The following SALL2 variants were observed in gnomAD, a reference collection of about 807,000 sequenced individuals.
SALL2 encodes the protein spalt like transcription factor 2.
In SALL2, 32 loss-of-function variants were observed where a neutral mutation model predicts 58.5. The ratio of observed to expected loss-of-function variants is 0.55; its 90% confidence interval spans 0.41 to 0.74. The LOEUF is 0.74. SALL2 is among the 30% of genes least tolerant of loss of function. SALL2 has a pLI of 0.00. For synonymous variants in SALL2, 516 were observed against 513.6 expected (o/e 1.00, Z -0.06); for missense variants, 1,201 against 1,268.9 (o/e 0.95, Z 0.81).
At position 21,521,925 on chromosome 14, in the gene SALL2, T is replaced by C. The variant is rs117696798; in HGVS notation, c.*779A>G. The C allele has an allele frequency of 7.5e-4, 1,096 of 1,456,162 alleles. 11 individuals are homozygous for C. In the East Asian group the frequency reaches 0.024, roughly 32 times the overall value. The allele number at this position is 1,456,162 out of a possible 1,614,324, so 90.2% of individuals were successfully genotyped here. A position where few individuals can be genotyped will look rare whatever the true frequency, so the allele number is the denominator to read the frequency against. ...CCTTCCTTCATTTCTCCCTACTTCC[T>C]AGGGTTGGGTCACCAATTACTGGAG... is the stretch of plus-strand genomic sequence containing the variant. On this transcript the variant is annotated 3_prime_UTR_variant, in exon 2 of 2. Coordinates refer to ENST00000537235, the MANE Select transcript of SALL2 (RefSeq NM_001364564.1).
In SALL2 at chr14:21,523,883, G is replaced by C. The variant is rs1278590657; in HGVS notation, c.1839C>G (p.Pro613=). Residue 613 remains proline (P), a synonymous_variant, in exon 2 of 2, where the codon CCC becomes CCG. Transcript: ENST00000537235. This position sits in a 1 kb window ranked among gnomAD's most constrained non-coding sequence, Gnocchi z 4.4. Reference sequence around the variant, plus strand: ...ATGAAGGTGCAGGGGCAGAGGTGGTGGGGGCTCCTGAGGCAGCTGAGGTCA... The same window carrying C: ...ATGAAGGTGCAGGGGCAGAGGTGGTCGGGGCTCCTGAGGCAGCTGAGGTCA... The part of the protein sequence containing the change: ...VAVTSAASGA[P]TTSAPAPSSS... 3 of 1,614,224 alleles carry C rather than the reference G, an allele frequency of 1.9e-6. No individual in the cohort carries two copies. In the South Asian group the frequency reaches 3.3e-5, roughly 18 times the overall value.
chr14:21,530,363 C>A (rs1185334770), upstream of SALL2, among the ~76,000 whole-genome samples: 1 of 148,404 alleles, frequency 6.7e-6, no homozygotes. Context: ...TCTCGGCTCA[C>A]CGCAACCTCC....
intron 1 of SALL2, chr14:21,536,792 TG>T: frequency 6.7e-7 from 1 of 1,487,394 alleles, no homozygotes; most frequent in Non-Finnish European, 9.4e-7. Flanking sequence ...CCCCTTGCCC[TG>T]GCCTGACCCA....
chr14:21,522,129 A>T lies in SALL2; in HGVS notation c.*575T>A. The T allele has an allele frequency of 6.3e-7, 1 of 1,598,036 alleles. No homozygotes were observed. The highest frequency in any genetic ancestry group is 1.3e-5 in the African/African-American group (1 of 75,032). ...CATTGTTGGAGGCACCTTCCCAGCC[A>T]CAGTTCCTAGGCCAAACAGCACTGG... On this transcript the variant is annotated 3_prime_UTR_variant, in exon 2 of 2. Coordinates refer to ENST00000537235, the MANE Select transcript of SALL2 (RefSeq NM_001364564.1).
chr14:21,533,710 C>A (rs746384591), intron 1 of SALL2, among the ~76,000 whole-genome samples: 5 of 151,808 alleles, frequency 3.3e-5, no homozygotes, highest in Non-Finnish European at 7.4e-5. Context: ...GGAAGCTGAG[C>A]AAAAACGGCT....
At chr14:21,537,081 CT>C in exon 1 of SALL2, 1 of 363,358 alleles carries the variant, frequency 2.8e-6, no homozygotes, top group Admixed American at 4.2e-5. Flanking sequence ...GAGACACAGA[CT>C]CTCTCTCTCT....
chr14:21,529,991 C>T (rs564493938), upstream of SALL2, among the ~76,000 whole-genome samples: 17 of 152,166 alleles, frequency 1.1e-4, no homozygotes, highest in South Asian at 2.1e-4. Context: ...CCACCCTGCT[C>T]CTCACAGATC....
Position 21,521,702 on chromosome 14 carries a change from C to A in SALL2, c.*1002G>T. ...TCATTAGTTCATCAACCATGCTGAC[C>A]AAAAATGCTCCTTAAAGATACGAAC... On this transcript the variant is annotated 3_prime_UTR_variant, in exon 2 of 2. Coordinates refer to ENST00000537235, the MANE Select transcript of SALL2 (RefSeq NM_001364564.1). 3.3e-6 allele frequency: 1 copy of A among 305,192 alleles called. No individual in the cohort carries two copies. The highest frequency in any genetic ancestry group is 6.2e-6 in the Non-Finnish European group (1 of 161,412). 18.9% of individuals were successfully genotyped at this position (305,192 alleles called of 1,614,324 possible). A position where few individuals can be genotyped will look rare whatever the true frequency, so the allele number is the denominator to read the frequency against.
chr14:21,526,893 G>A (rs746633330), upstream of SALL2, among the ~76,000 whole-genome samples: 5 of 151,874 alleles, frequency 3.3e-5, no homozygotes, highest in Non-Finnish European at 7.4e-5. Flanking sequence ...CAGGGTGGGC[G>A]GCTGCAAGGT....
chr14:21,534,944 A>C (rs1308110152), intron 1 of SALL2, among the ~76,000 whole-genome samples: 1 of 152,138 alleles, frequency 6.6e-6, no homozygotes, highest in East Asian at 1.9e-4. Flanking sequence ...TGGAGCGCTG[A>C]TTTGACCTCA....
At chr14:21,536,315 C>T (rs1260470421) in intron 1 of SALL2, among the ~76,000 whole-genome samples, 4 of 152,184 alleles carry the variant, frequency 2.6e-5, no homozygotes, top group Admixed American at 6.5e-5. Context: ...ATACACACCC[C>T]AAACCAGGCT....
rs982720520 is a variant in SALL2, at chr14:21,521,417, GAGGAAGAT to G, written c.*1279_*1286del. ...GGCAAAATGGGTAGGGGTCTTGAAA[GAGGAAGAT>G]AAGGAAAATACAAGGGGCCAGGGAA... On this transcript the variant is annotated 3_prime_UTR_variant, in exon 2 of 2. Transcript: ENST00000537235. 1 of 152,418 alleles carries G rather than the reference GAGGAAGAT, an allele frequency of 6.6e-6. No individual in the cohort carries two copies. The highest frequency in any genetic ancestry group is 2.4e-5 in the African/African-American group (1 of 41,438). 9.4% of individuals were successfully genotyped at this position (152,418 alleles called of 1,614,324 possible). A position where few individuals can be genotyped will look rare whatever the true frequency, so the allele number is the denominator to read the frequency against.
chr14:21,536,904 C>T (rs748033936), intron 1 of SALL2: 1 of 1,614,206 alleles, frequency 6.2e-7, no homozygotes, highest in South Asian at 1.1e-5. Flanking sequence ...GGGGTTTCCG[C>T]TGCTTTCGCC....
rs747111940 is a variant in SALL2 at position 21,535,344 on chromosome 14, C to CAA, written c.-114+1616_-114+1617dup. Among the ~76,000 whole-genome samples, 121 of 94,936 alleles carry CAA rather than the reference C, an allele frequency of 1.3e-3. 1 individual carries two copies. The highest frequency in any genetic ancestry group is 7.9e-3 in the Middle Eastern group (1 of 126). The allele number at this position is 94,936 out of a possible 152,430, so 62.3% of individuals were successfully genotyped here. A position where few individuals can be genotyped will look rare whatever the true frequency, so the allele number is the denominator to read the frequency against. ...TGGGCGACAGAGCGAGACTCTCTCTCAAAAAAAAAAAAAGAAAAAAAGAAA... is the reference window on the plus strand; with the variant it reads ...TGGGCGACAGAGCGAGACTCTCTCTCAAAAAAAAAAAAAAAGAAAAAAAGAAA... On this transcript the variant is annotated intron_variant, in intron 1 of 1. Coordinates refer to the SALL2 transcript ENST00000541965.
intron 1 of SALL2, among the ~76,000 whole-genome samples, chr14:21,532,139 TTTAA>T (rs755351980): frequency 6.9e-4 from 105 of 152,274 alleles, no homozygotes; most frequent in African/African-American, 1.7e-3. Context: ...CAAATTTGAC[TTTAA>T]TTGAGAAAAA....
In SALL2 at chr14:21,521,192, C is replaced by T. The variant is rs1215119005; in HGVS notation, c.*1512G>A. The T allele has an allele frequency of 3.9e-5, 6 of 152,182 alleles. No homozygotes were observed. Among genetic ancestry groups the T allele is most frequent in the Admixed American group, 2.6e-4 (4 of 15,278 alleles). 9.4% of individuals were successfully genotyped at this position (152,182 alleles called of 1,614,324 possible). A position where few individuals can be genotyped will look rare whatever the true frequency, so the allele number is the denominator to read the frequency against. On this transcript the variant is annotated 3_prime_UTR_variant, in exon 2 of 2. Transcript: ENST00000537235. The stretch of plus-strand genomic sequence containing the variant: ...AGCCTACAGCTTGAGGAGAAGCCAT[C>T]GTTCAAGTCAGTCAATAGCAAAACC...
rs139937192 is a variant in SALL2, at chr14:21,525,330, G to C, written c.392C>G (p.Ala131Gly). ...GATCAGGCCCCCGCCTCCCCCAGCC[G>C]CTGTACCTGTGGCAGCGACCAGGAA... Reference protein sequence around the residue: ...GHFLVAATGTAAGGGGGLILA... With the variant: ...GHFLVAATGTGAGGGGGLILA... The change falls in exon 2 of 2, where the codon GCG (alanine) becomes GGG (glycine). Residue 131 changes from alanine (A) to glycine (G), a missense_variant. By Grantham distance (60) the Ala-to-Gly change is moderately conservative. Coordinates refer to ENST00000537235, the MANE Select transcript of SALL2 (RefSeq NM_001364564.1). This position sits in a 1 kb window ranked among gnomAD's most constrained non-coding sequence, Gnocchi z 4.4. 1.2e-6 allele frequency: 2 copies of C among 1,613,886 alleles called. No homozygotes were observed. The highest frequency in any genetic ancestry group is 1.7e-6 in the Non-Finnish European group (2 of 1,179,880).
At position 21,534,249 on chromosome 14, in the gene SALL2, T is replaced by C. The variant is rs557219945; in HGVS notation, c.-114+2713A>G. 2.0e-5 allele frequency among the ~76,000 whole-genome samples: 3 copies of C among 152,312 alleles called. No individual in the cohort carries two copies. The East Asian group carries it at 5.8e-4, about 29-fold the overall frequency. Reference sequence around the variant, plus strand: ...ACCTCATTTTGCAGATGAGGCCCAATGACATCCAGATCATAAGTAGCCTAG... The same window carrying C: ...ACCTCATTTTGCAGATGAGGCCCAACGACATCCAGATCATAAGTAGCCTAG... On this transcript the variant is annotated intron_variant, in intron 1 of 1. Transcript: ENST00000541965.
chr14:21,525,707 ACC>A lies in SALL2; in HGVS notation c.68-55_68-54del. 1 of 1,516,606 alleles carries A rather than the reference ACC, an allele frequency of 6.6e-7. No homozygotes were observed. Among genetic ancestry groups the A allele is most frequent in the South Asian group, 1.3e-5 (1 of 75,652 alleles). 93.9% of individuals were successfully genotyped at this position (1,516,606 alleles called of 1,614,324 possible). On this transcript the variant is annotated intron_variant, in intron 1 of 1. Coordinates refer to ENST00000537235, the MANE Select transcript of SALL2 (RefSeq NM_001364564.1). The surrounding 1 kb of genome is among the most constrained non-coding windows in gnomAD (Gnocchi z 4.4). ...TGGGTGGCGCAGTTGGGTTGGGTAT[ACC>A]GAGGCTCTAATTAACAAGGAGGCCA...
Sources: gnomAD v4.1 joint callset for allele counts (sites outside exome capture counted in the v4.1 genomes callset) on GRCh38, gnomAD v4.1.1 for gene constraint, Gnocchi (gnomAD v3.1) non-coding constraint, MANE v1.5 for transcripts, NCBI Gene and HGNC (gene_info 2026-07-23, HGNC 2026-07-21) for gene names.